Variants in PDE1C observed in about 807,000 individuals in gnomAD.
PDE1C encodes dual specificity calcium/calmodulin-dependent 3',5'-cyclic nucleotide phosphodiesterase 1C.
In PDE1C, 62 loss-of-function variants were observed where a neutral mutation model predicts 93.1. That is an observed-to-expected ratio of 0.67 (90% confidence interval 0.54 to 0.82). PDE1C has a LOEUF of 0.82. Among genes scored for constraint, PDE1C ranks in the 40% least tolerant of loss-of-function variants. The probability of loss-of-function intolerance (pLI) is 0.00; values close to 1 mark genes in which losing one functional copy is unlikely to be tolerated. For missense variants in PDE1C, 742 were observed against 884.6 expected, an observed-to-expected ratio of 0.84 and a Z score of 2.04; for synonymous variants, 325 against 310.1, an observed-to-expected ratio of 1.05 and a Z score of -0.50.
At chr7:31,696,885 T>C in the PDE1C span, 1 of 1,460,654 alleles carries the variant, frequency 6.8e-7, no homozygotes, top group Non-Finnish European at 9.3e-7. Context: ...TCACCAGATG[T>C]CTATAAATAT....
At chr7:31,902,148 A>C (rs576624618) in intron 2 of PDE1C, among the ~76,000 whole-genome samples, 2 of 151,636 alleles carry the variant, frequency 1.3e-5, no homozygotes, top group Non-Finnish European at 3.0e-5. Context: ...TAATTGTAAA[A>C]GATTTAAAAT....
intron 4 of PDE1C, among the ~76,000 whole-genome samples, chr7:31,878,773 A>C (rs914677765): frequency 1.3e-5 from 2 of 152,210 alleles, no homozygotes; most frequent in African/African-American, 4.8e-5. Context: ...CTTCTCTGGT[A>C]AACAAAAAAA....
At chr7:32,392,766 T>C (rs1334025816) in intron 1 of PDE1C, among the ~76,000 whole-genome samples, 1 of 152,026 alleles carries the variant, frequency 6.6e-6, no homozygotes, top group Non-Finnish European at 1.5e-5. Context: ...AGCACATATA[T>C]ATGGCCGAGC....
At position 32,013,297 on chromosome 7, in the gene PDE1C, T is replaced by C. The variant is rs190253385; in HGVS notation, c.128+38257A>G. 4.6e-5 allele frequency among the ~76,000 whole-genome samples: 7 copies of C among 152,336 alleles called. No homozygotes were observed. The East Asian group carries it at 1.4e-3, about 29-fold the overall frequency. ...AGTACCAGCAAAATAACACTCCTTA[T>C]GCACGTGTGTTTGAAATGCTTGTTC... On this transcript the variant is annotated intron_variant, in intron 2 of 17. Transcript: ENST00000396191.
intron 2 of PDE1C, among the ~76,000 whole-genome samples, chr7:32,012,715 T>C (rs1333593791): frequency 6.6e-6 from 1 of 152,192 alleles, no homozygotes; most frequent in Non-Finnish European, 1.5e-5. Flanking sequence ...TATGCATATG[T>C]CAAAACTTAT....
upstream of PDE1C, among the ~76,000 whole-genome samples, chr7:32,072,783 A>G (rs1796138229): frequency 6.6e-6 from 1 of 152,220 alleles, no homozygotes; most frequent in Non-Finnish European, 1.5e-5. Flanking sequence ...TAGACCAACT[A>G]GAGAGAAAAC....
chr7:32,389,686 G>C lies in PDE1C; in HGVS notation c.310+38136C>G, dbSNP rs577316237. Among the ~76,000 whole-genome samples, 3 of 152,340 alleles carry C rather than the reference G, an allele frequency of 2.0e-5. No homozygotes were observed. In the South Asian group the frequency reaches 6.2e-4, roughly 32 times the overall value. On this transcript the variant is annotated intron_variant, in intron 1 of 1. Coordinates refer to the PDE1C transcript ENST00000672256. The stretch of plus-strand genomic sequence containing the variant: ...TTATGAAGAAATCTGAATTTTGTCT[G>C]TAAGTAACCTACAGGCAGAATGATA...
chr7:31,959,656 G>A (rs1010237928), intron 2 of PDE1C, among the ~76,000 whole-genome samples: 4 of 152,138 alleles, frequency 2.6e-5, no homozygotes, highest in African/African-American at 9.7e-5. Context: ...ATGATAGGGT[G>A]ATCAATAAGA....
At chr7:31,894,542 C>CTGGGCTATTTGCTATTACTTGCTG (rs1337475083) in intron 2 of PDE1C, among the ~76,000 whole-genome samples, 2 of 152,216 alleles carry the variant, frequency 1.3e-5, no homozygotes, top group African/African-American at 4.8e-5. Flanking sequence ...ACTTTTGGCT[C>CTGGGCTATTTGCTATTACTTGCTG]TGGGCTATTT....
chr7:31,962,162 T>A (rs982698555), intron 2 of PDE1C, among the ~76,000 whole-genome samples: 1 of 152,238 alleles, frequency 6.6e-6, no homozygotes, highest in African/African-American at 2.4e-5. Flanking sequence ...TTGTTCCCAC[T>A]GATCTCTTGG....
At chr7:31,963,246 T>A (rs1563106645) in intron 2 of PDE1C, among the ~76,000 whole-genome samples, 2 of 151,892 alleles carry the variant, frequency 1.3e-5, no homozygotes, top group African/African-American at 4.8e-5. Context: ...AAGTCTTATT[T>A]AAAAAAAAGG....
chr7:32,373,139 C>A (rs766548782), intron 1 of PDE1C, among the ~76,000 whole-genome samples: 1 of 152,190 alleles, frequency 6.6e-6, no homozygotes, highest in Non-Finnish European at 1.5e-5. Context: ...AAAACATACA[C>A]CCATGCAAAA....
At chr7:31,788,193 C>G (rs181996794) in intron 16 of PDE1C, 3 of 152,116 alleles carry the variant, frequency 2.0e-5, no homozygotes, top group Non-Finnish European at 4.4e-5. Context: ...TGTAGACTTT[C>G]TATTTTGACT....
chr7:31,656,592 T>A, the PDE1C span: 1 of 530,854 alleles, frequency 1.9e-6, no homozygotes, highest in Non-Finnish European at 2.4e-6. Flanking sequence ...ATGAATGAGA[T>A]GAGGATAAAT....
intron 2 of PDE1C, among the ~76,000 whole-genome samples, chr7:32,034,830 A>G (rs1482850973): frequency 1.3e-5 from 2 of 152,136 alleles, no homozygotes; most frequent in African/African-American, 4.8e-5. Flanking sequence ...ATGATTATCT[A>G]AGACTCAGTT....
chr7:31,646,053 G>A, the PDE1C span, among the ~76,000 whole-genome samples: 14 of 152,166 alleles, frequency 9.2e-5, no homozygotes, highest in African/African-American at 2.9e-4. Flanking sequence ...AAGGCTGGTT[G>A]TTGGTCTAAC....
chr7:32,328,790 T>G (rs1262119687), intron 1 of PDE1C, among the ~76,000 whole-genome samples: 1 of 152,222 alleles, frequency 6.6e-6, no homozygotes, highest in African/African-American at 2.4e-5. Context: ...CCACATAGCT[T>G]GTTTCTTTAT....
At chr7:31,780,944 C>T (rs185820624) in intron 16 of PDE1C, among the ~76,000 whole-genome samples, 39 of 152,278 alleles carry the variant, frequency 2.6e-4, no homozygotes, top group Non-Finnish European at 4.6e-4. Context: ...GAGTAAACAA[C>T]CCAATCCGTC....
At chr7:32,064,385 G>A (rs1045168111) in intron 1 of PDE1C, among the ~76,000 whole-genome samples, 2 of 152,124 alleles carry the variant, frequency 1.3e-5, no homozygotes, top group Non-Finnish European at 2.9e-5. Context: ...AGACATCTAA[G>A]CTGAAAGAAC....
Sources: allele counts gnomAD v4.1 joint callset (sites outside exome capture counted in the v4.1 genomes callset), GRCh38; gene constraint gnomAD v4.1.1; transcripts MANE v1.5; gene names NCBI Gene and HGNC (gene_info 2026-07-23, HGNC 2026-07-21).